Variants in FAM47E observed in about 807,000 individuals in gnomAD.
FAM47E encodes the protein family with sequence similarity 47 member E, also known as protein FAM47E.
FAM47E carries 32 observed loss-of-function variants against 41.6 expected under a neutral mutation model. The ratio of observed to expected loss-of-function variants is 0.77; its 90% CI spans 0.58 to 1.03. FAM47E has a LOEUF of 1.03. Ranked by LOEUF, FAM47E falls within the 50% of genes least tolerant of loss-of-function variation. The probability of loss-of-function intolerance (pLI) is 0.00; values close to 1 mark genes in which losing one functional copy is unlikely to be tolerated. For synonymous variants in FAM47E, 184 were observed against 188.7 expected, an observed-to-expected ratio of 0.98 and a Z score of 0.20; for missense variants, 424 against 485.4, an observed-to-expected ratio of 0.87 and a Z score of 1.19.
intron 1 of FAM47E, among the ~76,000 whole-genome samples, chr4:76,255,381 T>C (rs1734144516): frequency 6.6e-6 from 1 of 152,190 alleles, no homozygotes; most frequent in African/African-American, 2.4e-5. Flanking sequence ...TTTAGAACAG[T>C]AGAACAGTGT....
At chr4:76,247,821 A>G (rs747960599), upstream of FAM47E, among the ~76,000 whole-genome samples, 17 of 147,748 alleles carry the variant, frequency 1.2e-4, no homozygotes, top group Non-Finnish European at 2.5e-4. Flanking sequence ...GAGTGGTGGG[A>G]GTTTTTAAAT....
intron 5 of FAM47E, among the ~76,000 whole-genome samples, chr4:76,276,029 GACAGACAGACACACACACAC>G (rs772767007): frequency 1.7e-5 from 2 of 118,782 alleles, no homozygotes; most frequent in Non-Finnish European, 3.6e-5. Context: ...CAGACAGACA[GACAGACAGACACACACACAC>G]ACACACACAC....
At chr4:76,267,244 G>A (rs567569651) in intron 3 of FAM47E, among the ~76,000 whole-genome samples, 18 of 152,220 alleles carry the variant, frequency 1.2e-4, no homozygotes, top group Non-Finnish European at 1.8e-4. Flanking sequence ...AAAAGGTACA[G>A]GGGCTATGAA....
chr4:76,244,533 C>CTTTTTTTT lies in FAM47E; in HGVS notation c.82-19153_82-19146dup, dbSNP rs71212407. Among the ~76,000 whole-genome samples, 225 of 66,098 alleles carry CTTTTTTTT rather than the reference C, an allele frequency of 3.4e-3. 1 individual carries two copies. Among genetic ancestry groups the CTTTTTTTT allele is most frequent in the East Asian group, 6.6e-3 (12 of 1,816 alleles). The allele number at this position is 66,098 out of a possible 152,430, so 43.4% of individuals were successfully genotyped here. Reference sequence around the variant, plus strand: ...CATATGTTTGTTTGCAGGCATTCTTCTTTTTTTTTTTTTTTTTTTTTTTTT... The same window carrying CTTTTTTTT: ...CATATGTTTGTTTGCAGGCATTCTTCTTTTTTTTTTTTTTTTTTTTTTTTTTTTTTTTT... On this transcript the variant is annotated intron_variant, in intron 2 of 7. Transcript: ENST00000510197.
At chr4:76,233,616 C>T (rs935455765) in intron 2 of FAM47E, among the ~76,000 whole-genome samples, 1 of 151,476 alleles carries the variant, frequency 6.6e-6, no homozygotes, top group African/African-American at 2.4e-5. Context: ...ATGTAACTGA[C>T]AAGCATATAA....
chr4:76,223,679 TGAGTA>T (rs974850341), intron 2 of FAM47E, among the ~76,000 whole-genome samples: 7 of 152,112 alleles, frequency 4.6e-5, no homozygotes, highest in South Asian at 2.1e-4. Flanking sequence ...CTATGACCCA[TGAGTA>T]GAGTAAAGTG....
chr4:76,270,138 A>C (rs1734825010), intron 4 of FAM47E, among the ~76,000 whole-genome samples: 1 of 152,206 alleles, frequency 6.6e-6, no homozygotes, highest in African/African-American at 2.4e-5. Context: ...AGGTGCTGAA[A>C]TATTTTTAGA....
chr4:76,239,612 C>G (rs1733665339), intron 2 of FAM47E, among the ~76,000 whole-genome samples: 1 of 152,066 alleles, frequency 6.6e-6, no homozygotes, highest in Non-Finnish European at 1.5e-5. Context: ...GGAGTTTTCT[C>G]TATATTCTGG....
intron 2 of FAM47E, among the ~76,000 whole-genome samples, chr4:76,220,235 T>A (rs1337187658): frequency 6.6e-6 from 1 of 152,324 alleles, no homozygotes; most frequent in East Asian, 1.9e-4. Context: ...TTGTTCACAA[T>A]AGTCAAAAGG....
At chr4:76,248,328 C>G (rs573980930), upstream of FAM47E, among the ~76,000 whole-genome samples, 9 of 152,048 alleles carry the variant, frequency 5.9e-5, no homozygotes, top group African/African-American at 1.9e-4. Flanking sequence ...TTTTAAGAAG[C>G]CATTGCCAAA....
chr4:76,230,350 T>C (rs1166982206), intron 2 of FAM47E, among the ~76,000 whole-genome samples: 1 of 152,088 alleles, frequency 6.6e-6, no homozygotes, highest in Non-Finnish European at 1.5e-5. Flanking sequence ...GTGAGGCTGG[T>C]CTTGCTCGCT....
At chr4:76,283,245 C>A in intron 7 of FAM47E, 136 bp from the exon 8 acceptor site, 1 of 545,264 alleles carries the variant, frequency 1.8e-6, no homozygotes, top group Non-Finnish European at 3.3e-6. Context: ...AGATTATTAA[C>A]ATGTGATTTT....
intron 5 of FAM47E, among the ~76,000 whole-genome samples, chr4:76,273,382 A>G (rs564356256): frequency 2.0e-5 from 3 of 152,346 alleles, no homozygotes; most frequent in African/African-American, 7.2e-5. Flanking sequence ...GGAATTTTGT[A>G]TTTTGTGGGA....
In FAM47E at chr4:76,256,372, G is replaced by A. The variant is rs1734192072; in HGVS notation, c.269G>A (p.Arg90Lys). ...GCTCCCCAACTGGCCCCAAAGAAGAGGCAGATCAAGCTGCTCAAGGAAGCA... is the reference window on the plus strand; with the variant it reads ...GCTCCCCAACTGGCCCCAAAGAAGAAGCAGATCAAGCTGCTCAAGGAAGCA... ...HRAPQLAPKK[R>K]QIKLLKEADV... is the part of the protein sequence containing the mutation. The change falls in exon 2 of 8, where the codon AGG becomes AAG. Residue 90 changes from arginine to lysine, a missense_variant. Transcript: ENST00000424749. 2 of 1,551,736 alleles carry A rather than the reference G, an allele frequency of 1.3e-6. No homozygotes were observed. Among genetic ancestry groups the A allele is most frequent in the Non-Finnish European group, 1.7e-6 (2 of 1,147,148 alleles).
chr4:76,231,936 C>A (rs188482586), intron 2 of FAM47E, among the ~76,000 whole-genome samples: 2 of 152,330 alleles, frequency 1.3e-5, no homozygotes, highest in Non-Finnish European at 2.9e-5. Flanking sequence ...AAAGCATACC[C>A]TTCCAGTCAA....
At chr4:76,251,658 C>T (rs1399426291), upstream of FAM47E, 27 of 1,356,796 alleles carry the variant, frequency 2.0e-5, no homozygotes, top group Admixed American at 3.8e-5. Context: ...ATACCGGCAG[C>T]GGTGGTTGTG....
exon 1 of FAM47E, chr4:76,214,417 A>G (rs1211041077): frequency 2.4e-6 from 1 of 418,432 alleles, no homozygotes; most frequent in South Asian, 1.7e-5. Context: ...TTCACGGAGA[A>G]GGAAACGGTG....
chr4:76,267,493 G>C (rs1734690448), intron 3 of FAM47E: 1 of 152,260 alleles, frequency 6.6e-6, no homozygotes. Flanking sequence ...GGAGAGCCAG[G>C]CCATGCAGAG....
At chr4:76,231,527 AAAAC>A (rs58077932) in intron 2 of FAM47E, among the ~76,000 whole-genome samples, 61,442 of 151,784 alleles carry the variant, frequency 0.4, 12,629 homozygotes, top group East Asian at 0.57. Context: ...ATTTTTGTTA[AAAAC>A]AAACAAACAA....
Sources: gnomAD v4.1 joint callset for allele counts (sites outside exome capture counted in the v4.1 genomes callset) on GRCh38, gnomAD v4.1.1 for gene constraint, MANE v1.5 for transcripts, NCBI Gene and HGNC (gene_info 2026-07-23, HGNC 2026-07-21) for gene names.